The following TNFAIP8L3 variants were observed in gnomAD, a reference collection of about 807,000 sequenced individuals.
TNFAIP8L3 encodes the protein tumor necrosis factor alpha-induced protein 8-like protein 3.
Under a neutral mutation model 11.8 loss-of-function variants are expected in TNFAIP8L3, and 7 were observed. The observed-to-expected ratio is 0.59, with a 90% confidence interval of 0.34 to 1.11. The LOEUF (loss-of-function observed/expected upper bound fraction) is 1.11, where lower values mean the gene tolerates loss of function less well. TNFAIP8L3 is among the 50% of genes most tolerant of loss of function. The pLI is 0.03. For missense variants in TNFAIP8L3, 219 were observed against 258.6 expected, an observed-to-expected ratio of 0.85 and a Z score of 1.05; for synonymous variants, 98 against 103.8, an observed-to-expected ratio of 0.94 and a Z score of 0.34.
chr15:51,094,703 CGCGGGCGGCG>C lies in TNFAIP8L3; in HGVS notation c.-118_-109del. 1 of 597,506 alleles carries C rather than the reference CGCGGGCGGCG, an allele frequency of 1.7e-6. No homozygotes were observed. Among genetic ancestry groups the C allele is most frequent in the Non-Finnish European group, 2.1e-6 (1 of 487,454 alleles). 37.0% of individuals were successfully genotyped at this position (597,506 alleles called of 1,614,324 possible). On this transcript the variant is annotated 5_prime_UTR_variant, in exon 1 of 2. Transcript: ENST00000637513. This position sits in a 1 kb window ranked among gnomAD's most constrained non-coding sequence, Gnocchi z 4.4. ...AGCGGGGCGGCTGGAGCCCGGGCGG[CGCGGGCGGCG>C]CGGGCTGGGCGGTGCGCGGCGGCAG...
chr15:51,070,860 A>C lies in TNFAIP8L3; in HGVS notation c.53-12417T>G, dbSNP rs943641655. On this transcript the variant is annotated intron_variant, in intron 1 of 1. Coordinates refer to ENST00000637513, the MANE Select transcript of TNFAIP8L3 (RefSeq NM_001311175.2). Reference sequence around the variant, plus strand: ...AGGAGATCGAGACCATCCCGGCTAAAACGGTGAAACCCCGTCTCTACTAAA... The same window carrying C: ...AGGAGATCGAGACCATCCCGGCTAACACGGTGAAACCCCGTCTCTACTAAA... Among the ~76,000 whole-genome samples the C allele has an allele frequency of 1.9e-4, 29 of 148,940 alleles. No individual in the cohort carries two copies. The South Asian group carries it at 2.7e-3, about 14-fold the overall frequency.
At chr15:51,066,613 CT>C (rs1405914607) in intron 1 of TNFAIP8L3, among the ~76,000 whole-genome samples, 1 of 152,172 alleles carries the variant, frequency 6.6e-6, no homozygotes, top group Non-Finnish European at 1.5e-5. Flanking sequence ...CTCCCCACCC[CT>C]TCCCGTCTCC....
chr15:51,087,910 A>G (rs1204271879), intron 1 of TNFAIP8L3, among the ~76,000 whole-genome samples: 1 of 53,338 alleles, frequency 1.9e-5, no homozygotes, highest in African/African-American at 6.9e-5. Context: ...AAATTTTTCT[A>G]GCATACCTTT....
chr15:51,096,476 G>A (rs547067669), upstream of TNFAIP8L3, among the ~76,000 whole-genome samples: 4 of 152,218 alleles, frequency 2.6e-5, no homozygotes, highest in East Asian at 7.7e-4. Flanking sequence ...GAGTATGAAA[G>A]CTATTACCCA....
chr15:51,090,325 C>G (rs1243493552), intron 1 of TNFAIP8L3, among the ~76,000 whole-genome samples: 1 of 152,208 alleles, frequency 6.6e-6, no homozygotes, highest in African/African-American at 2.4e-5. Context: ...GTGCCACTAC[C>G]TTCTCTGATG....
intron 1 of TNFAIP8L3, among the ~76,000 whole-genome samples, chr15:51,077,763 A>AG (rs2065363873): frequency 6.6e-6 from 1 of 152,198 alleles, no homozygotes. Flanking sequence ...CTGGGGGAAC[A>AG]GGGGGCGGAG....
chr15:51,059,920 C>A (rs1261237890), intron 1 of TNFAIP8L3, among the ~76,000 whole-genome samples: 1 of 152,224 alleles, frequency 6.6e-6, no homozygotes, highest in Non-Finnish European at 1.5e-5. Flanking sequence ...AAGCAGCGAG[C>A]ACCAGGGGCC....
chr15:51,060,024 T>G (rs932293020), intron 1 of TNFAIP8L3, among the ~76,000 whole-genome samples: 1 of 152,248 alleles, frequency 6.6e-6, no homozygotes, highest in Non-Finnish European at 1.5e-5. Flanking sequence ...GCCAGGCTTT[T>G]CCCTTCTGCC....
intron 1 of TNFAIP8L3, 111 bp from the exon 2 acceptor site, chr15:51,058,554 T>C (rs1303352539): frequency 4.0e-6 from 4 of 1,000,710 alleles, no homozygotes; most frequent in Non-Finnish European, 5.6e-6. Flanking sequence ...CAAAAACTCA[T>C]GTCTTTATAT....
At chr15:51,075,093 G>T (rs911506508) in intron 1 of TNFAIP8L3, among the ~76,000 whole-genome samples, 2 of 152,208 alleles carry the variant, frequency 1.3e-5, no homozygotes, top group African/African-American at 2.4e-5. Flanking sequence ...ACTGATGAAT[G>T]ATTTTAGCGT....
chr15:51,083,398 G>A (rs937714184), intron 1 of TNFAIP8L3, among the ~76,000 whole-genome samples: 2 of 152,082 alleles, frequency 1.3e-5, no homozygotes, highest in South Asian at 4.1e-4. Context: ...AATTTAAAAA[G>A]TAATAAAAAC....
In TNFAIP8L3 at chr15:51,058,003, A is replaced by G. The variant is rs901255065; in HGVS notation, c.493T>C (p.Phe165Leu). 2 of 1,614,214 alleles carry G rather than the reference A, an allele frequency of 1.2e-6. No individual in the cohort carries two copies. Among genetic ancestry groups the G allele is most frequent in the Non-Finnish European group, 1.7e-6 (2 of 1,180,032 alleles). Residue 165 changes from phenylalanine (F) to leucine (L), a missense_variant, in exon 2 of 2, where the codon TTT becomes CTT. Transcript: ENST00000637513. ...PRTHGRINHV[F>L]NHFADVEFLS... ...AACTCCACATCGGCAAAGTGGTTAA[A>G]GACGTGGTTGATGCGCCCGTGGGTC... is the stretch of plus-strand genomic sequence containing the variant.
intron 1 of TNFAIP8L3, among the ~76,000 whole-genome samples, chr15:51,070,771 G>T (rs908227207): frequency 1.3e-5 from 2 of 152,170 alleles, no homozygotes; most frequent in African/African-American, 2.4e-5. Flanking sequence ...TTCTGGCCGG[G>T]CGCGGTGGCT....
chr15:51,097,224 G>A (rs550250402), upstream of TNFAIP8L3, among the ~76,000 whole-genome samples: 15 of 152,152 alleles, frequency 9.9e-5, no homozygotes, highest in African/African-American at 3.6e-4. Context: ...GCAGTGTGAG[G>A]GAGACAGACC....
At chr15:51,082,084 C>T (rs1244373842) in intron 1 of TNFAIP8L3, among the ~76,000 whole-genome samples, 1 of 148,132 alleles carries the variant, frequency 6.8e-6, no homozygotes, top group African/African-American at 2.5e-5. Flanking sequence ...TTTCTGGAAG[C>T]GTGAAAAAGC....
chr15:51,083,907 G>T (rs1221886717), intron 1 of TNFAIP8L3, among the ~76,000 whole-genome samples: 1 of 152,240 alleles, frequency 6.6e-6, no homozygotes, highest in Non-Finnish European at 1.5e-5. Context: ...GAGGACGGAG[G>T]GGCCTGGGAC....
At chr15:51,095,684 T>C (rs2140984031), upstream of TNFAIP8L3, among the ~76,000 whole-genome samples, 1 of 152,292 alleles carries the variant, frequency 6.6e-6, no homozygotes, top group Admixed American at 6.5e-5. Context: ...ACCTATTTAC[T>C]AATTAAGAGC....
chr15:51,104,639 G>C (rs1444924694), intron 1 of TNFAIP8L3, among the ~76,000 whole-genome samples: 1 of 152,198 alleles, frequency 6.6e-6, no homozygotes. Flanking sequence ...CCTGCCAGTG[G>C]ATGCTTTGCT....
chr15:51,098,750 T>G (rs1352211220), upstream of TNFAIP8L3, among the ~76,000 whole-genome samples: 1 of 152,266 alleles, frequency 6.6e-6, no homozygotes, highest in Non-Finnish European at 1.5e-5. Flanking sequence ...TCCTTCTGTG[T>G]GTGTACAGTA....
Sources: gnomAD v4.1 joint callset for allele counts (sites outside exome capture counted in the v4.1 genomes callset) on GRCh38, gnomAD v4.1.1 for gene constraint, Gnocchi (gnomAD v3.1) non-coding constraint, MANE v1.5 for transcripts, NCBI Gene and HGNC (gene_info 2026-07-23, HGNC 2026-07-21) for gene names.